Variants in DIAPH2 observed in about 807,000 individuals in gnomAD.
DIAPH2 encodes diaphanous related formin 2, also known as protein diaphanous homolog 2.
DIAPH2 carries 35 observed loss-of-function variants against 92.7 expected under a neutral mutation model. The observed-to-expected ratio is 0.38, with a 90% confidence interval of 0.29 to 0.50. The LOEUF is 0.50. Among genes scored for constraint, DIAPH2 ranks in the 20% least tolerant of loss-of-function variants. DIAPH2 has a pLI of 0.94. For synonymous variants in DIAPH2, 301 were observed against 280.4 expected (o/e 1.07, Z -0.73); for missense variants, 701 against 819.5 (o/e 0.86, Z 1.77).
intron 17 of DIAPH2, among the ~76,000 whole-genome samples, chrX:96,972,543 G>A (rs1254335018): frequency 9.0e-6 from 1 of 111,274 alleles, no homozygotes; most frequent in Non-Finnish European, 1.9e-5. Context: ...GGGAGGGAAA[G>A]AAATGAATAA....
chrX:97,222,442 G>C (rs2067933543), intron 22 of DIAPH2, among the ~76,000 whole-genome samples: 1 of 111,859 alleles, frequency 8.9e-6, no homozygotes, highest in Non-Finnish European at 1.9e-5. Flanking sequence ...GACCTCAGGT[G>C]ATCCACCCTC....
At chrX:97,496,168 C>CTTTTTTTT (rs10632820) in intron 26 of DIAPH2, among the ~76,000 whole-genome samples, 7 of 54,096 alleles carry the variant, frequency 1.3e-4, no homozygotes, top group South Asian at 2.2e-3. Flanking sequence ...GAATTGGTAC[C>CTTTTTTTT]TTTTTTTTTT....
intron 22 of DIAPH2, among the ~76,000 whole-genome samples, chrX:97,151,558 A>C (rs2067286199): frequency 9.0e-6 from 1 of 110,606 alleles, no homozygotes; most frequent in Non-Finnish European, 1.9e-5. Context: ...AAAAGAAAGA[A>C]AAAGAGCCAC....
At chrX:96,967,507 C>T (rs1276432718) in intron 17 of DIAPH2, among the ~76,000 whole-genome samples, 1 of 109,948 alleles carries the variant, frequency 9.1e-6, no homozygotes, top group East Asian at 2.8e-4. Flanking sequence ...GCAACCTCCG[C>T]CTCCCGAGTT....
rs1190756844 is a variant in DIAPH2, at chrX:97,242,780, AT to A, written c.2720-4931del. On this transcript the variant is annotated intron_variant, in intron 22 of 26. Transcript: ENST00000324765. The stretch of plus-strand genomic sequence containing the variant: ...GCACCCCACTGCAAATTTTTATTTT[AT>A]TTTATTTATTTATTTATTTTTTTGA... 4.6e-5 allele frequency among the ~76,000 whole-genome samples: 5 copies of A among 109,339 alleles called. No individual in the cohort carries two copies. The East Asian group carries it at 1.4e-3, about 31-fold the overall frequency. 94.9% of individuals were successfully genotyped at this position (109,339 alleles called of 115,157 possible).
intron 9 of DIAPH2, among the ~76,000 whole-genome samples, chrX:96,921,193 T>G (rs995352748): frequency 8.9e-6 from 1 of 111,815 alleles, no homozygotes; most frequent in African/African-American, 3.2e-5. Context: ...CCCCCCTTTT[T>G]GGGGTTTTAA....
At chrX:96,991,276 C>T (rs1374745892) in intron 17 of DIAPH2, among the ~76,000 whole-genome samples, 3 of 109,944 alleles carry the variant, frequency 2.7e-5, no homozygotes, top group East Asian at 2.9e-4. Context: ...CAACATGTCT[C>T]GCTAAATTTT....
At chrX:97,449,757 GA>G (rs1470843349) in intron 26 of DIAPH2, 29 of 537,161 alleles carry the variant, frequency 5.4e-5, no homozygotes, top group Non-Finnish European at 6.6e-5. Flanking sequence ...GTGGCTGAAT[GA>G]GTCCCACCAT....
At chrX:97,000,883 C>G (rs978755971) in intron 17 of DIAPH2, among the ~76,000 whole-genome samples, 3 of 111,218 alleles carry the variant, frequency 2.7e-5, no homozygotes, top group African/African-American at 9.8e-5. Flanking sequence ...CACTGTCACA[C>G]TGTCAGCCCA....
chrX:97,591,212 G>A (rs1328219878), intron 26 of DIAPH2, among the ~76,000 whole-genome samples: 1 of 111,760 alleles, frequency 8.9e-6, no homozygotes, highest in African/African-American at 3.3e-5. Flanking sequence ...GCTTAACTGG[G>A]AAGAAGTTGT....
At chrX:97,216,696 T>A (rs2067886487) in intron 22 of DIAPH2, among the ~76,000 whole-genome samples, 1 of 111,864 alleles carries the variant, frequency 8.9e-6, no homozygotes, top group Non-Finnish European at 1.9e-5. Flanking sequence ...TGTATGATCC[T>A]GACAGAAGAA....
intron 26 of DIAPH2, among the ~76,000 whole-genome samples, chrX:97,451,865 T>C (rs1018567259): frequency 5.4e-5 from 6 of 111,958 alleles, no homozygotes; most frequent in Admixed American, 9.5e-5. Flanking sequence ...AATAGAAATA[T>C]TGCCTGTAAC....
chrX:96,770,954 TA>T (rs2064334947), intron 4 of DIAPH2, among the ~76,000 whole-genome samples: 2 of 111,904 alleles, frequency 1.8e-5, no homozygotes, highest in Admixed American at 1.9e-4. Flanking sequence ...TTATTTTGGA[TA>T]GGGGTATCTG....
chrX:97,432,893 G>C (rs2070142560), intron 26 of DIAPH2, among the ~76,000 whole-genome samples: 1 of 112,480 alleles, frequency 8.9e-6, no homozygotes, highest in Non-Finnish European at 1.9e-5. Context: ...AAATTGCTGG[G>C]AGTAGAGGTG....
At chrX:97,295,356 A>T (rs1412291343) in intron 23 of DIAPH2, among the ~76,000 whole-genome samples, 1 of 112,351 alleles carries the variant, frequency 8.9e-6, no homozygotes, top group Non-Finnish European at 1.9e-5. Context: ...TAGACAAGAG[A>T]ATCATGAAAA....
intron 4 of DIAPH2, among the ~76,000 whole-genome samples, chrX:96,758,971 A>T (rs1446032400): frequency 9.1e-6 from 1 of 109,940 alleles, no homozygotes; most frequent in Non-Finnish European, 1.9e-5. Context: ...GTAAGAAAAA[A>T]TTGTATTTTT....
chrX:97,318,373 G>A (rs758841019), intron 23 of DIAPH2, among the ~76,000 whole-genome samples: 13 of 108,543 alleles, frequency 1.2e-4, no homozygotes, highest in Admixed American at 3.0e-4. Flanking sequence ...TCCTGACCTC[G>A]TGATCCACCA....
At chrX:96,957,765 T>G in intron 15 of DIAPH2, 63 bp from the exon 16 acceptor site, 1 of 806,857 alleles carries the variant, frequency 1.2e-6, no homozygotes. Context: ...TATTGATATA[T>G]ATTTCTTCAG....
chrX:96,815,750 C>T (rs1028345043), intron 4 of DIAPH2, among the ~76,000 whole-genome samples: 3 of 111,341 alleles, frequency 2.7e-5, no homozygotes, highest in Non-Finnish European at 3.8e-5. Flanking sequence ...CTGCTTCCTC[C>T]TCCTCCCACG....
Sources: allele counts gnomAD v4.1 joint callset (sites outside exome capture counted in the v4.1 genomes callset), GRCh38; gene constraint gnomAD v4.1.1; transcripts MANE v1.5; gene names NCBI Gene and HGNC (gene_info 2026-07-23, HGNC 2026-07-21).